TXNRD2: variants seen among roughly 807,000 people sequenced by gnomAD.
The protein encoded by TXNRD2 is thioredoxin reductase 2, also known as thioredoxin reductase 2, mitochondrial.
A neutral mutation model predicts 70.8 loss-of-function variants in TXNRD2; 67 were observed. The ratio of observed to expected loss-of-function variants is 0.95; its 90% CI spans 0.78 to 1.16. The LOEUF (loss-of-function observed/expected upper bound fraction) is 1.16, where lower values mean the gene tolerates loss of function less well. Ranked by LOEUF, TXNRD2 falls within the 50% of genes most tolerant of loss-of-function variation. The pLI is 0.00. For synonymous variants in TXNRD2, 301 were observed against 295.8 expected, an observed-to-expected ratio of 1.02 and a Z score of -0.18; for missense variants, 644 against 719.9, an observed-to-expected ratio of 0.89 and a Z score of 1.21.
intron 2 of TXNRD2, among the ~76,000 whole-genome samples, chr22:19,922,432 G>A (rs755393992): frequency 2.0e-5 from 3 of 152,138 alleles, no homozygotes; most frequent in Admixed American, 6.6e-5. Context: ...CTGGCCCAGA[G>A]CTTGGACCAC....
intron 2 of TXNRD2, among the ~76,000 whole-genome samples, chr22:19,926,799 AC>A (rs1411117603): frequency 1.3e-5 from 2 of 152,120 alleles, no homozygotes; most frequent in African/African-American, 4.8e-5. Flanking sequence ...CAACCAACCA[AC>A]CAAAAAACAG....
chr22:19,924,977 T>C (rs1441435181), intron 2 of TXNRD2, among the ~76,000 whole-genome samples: 1 of 133,286 alleles, frequency 7.5e-6, no homozygotes, highest in Non-Finnish European at 1.6e-5. Flanking sequence ...ATTTTTAAAG[T>C]ACTGAAAAAA....
chr22:19,938,310 C>A (rs1941598172), intron 1 of TXNRD2: 1 of 152,180 alleles, frequency 6.6e-6, no homozygotes, highest in Non-Finnish European at 1.5e-5. Flanking sequence ...GCCAGTGAGT[C>A]AATTGCTCAA....
intron 1 of TXNRD2, among the ~76,000 whole-genome samples, chr22:19,934,566 C>CTTTT (rs199827549): frequency 7.0e-6 from 1 of 141,892 alleles, no homozygotes; most frequent in Non-Finnish European, 1.5e-5. Context: ...ATACTTTTTT[C>CTTTT]TTTTTTTTTT....
intron 8 of TXNRD2, among the ~76,000 whole-genome samples, chr22:19,909,929 AC>A (rs2146020557): frequency 9.6e-6 from 1 of 104,358 alleles, no homozygotes; most frequent in East Asian, 3.8e-4. Flanking sequence ...TCACACACAC[AC>A]ACCACTCACA....
chr22:19,934,559 C>T (rs1941480290), intron 1 of TXNRD2, among the ~76,000 whole-genome samples: 1 of 140,274 alleles, frequency 7.1e-6, no homozygotes. Flanking sequence ...TACTTTTATA[C>T]TTTTTTCTTT....
chr22:19,895,158 G>T, intron 11 of TXNRD2: 1 of 1,598,406 alleles, frequency 6.3e-7, no homozygotes, highest in Non-Finnish European at 8.5e-7. Flanking sequence ...GTTTTTTCCA[G>T]CATGTCCCAC....
intron 1 of TXNRD2, 188 bp downstream of exon 1, chr22:19,941,513 G>T: frequency 9.6e-7 from 1 of 1,043,342 alleles, no homozygotes; most frequent in Non-Finnish European, 1.3e-6. Flanking sequence ...CCCCACCTGG[G>T]AAGGGGGCTA....
rs1938558486 is a variant in TXNRD2, at chr22:19,877,379, C to A, written c.1446-145G>T. 38 of 733,750 alleles carry A rather than the reference C, an allele frequency of 5.2e-5. 1 individual carries two copies. In the South Asian group the frequency reaches 6.6e-4, roughly 13 times the overall value. 45.5% of individuals were successfully genotyped at this position (733,750 alleles called of 1,614,324 possible). ...CCCAGCCAGCAGCCAGGACCCCTGC[C>A]CACACCCGTGGGTGCCATCCACCTC... On this transcript the variant is annotated intron_variant, in intron 16 of 17. Coordinates refer to ENST00000400521, the MANE Select transcript of TXNRD2 (RefSeq NM_006440.5).
chr22:19,931,035 T>C lies in TXNRD2; in HGVS notation c.167A>G (p.Lys56Arg). The C allele has an allele frequency of 6.2e-7, 1 of 1,613,674 alleles. No individual in the cohort carries two copies. Among genetic ancestry groups the C allele is most frequent in the African/African-American group, 1.3e-5 (1 of 75,022 alleles). Residue 56 changes from lysine to arginine, a missense_variant, in exon 2 of 18, where the codon AAG becomes AGG. Lys to Arg is a conservative substitution (Grantham distance 26). Around this residue, in one of 3 missense-constraint regions of TXNRD2, gnomAD observed 566 missense variants for 645.0 expected, o/e 0.88. Transcript: ENST00000400521. ...GGGSGGLACA[K>R]EAAQLGRKVA... ...GAAGTATACAGAATACATACCCTCC[T>C]TGGCACAAGCCAGGCCACCAGATCC...
intron 14 of TXNRD2, among the ~76,000 whole-genome samples, chr22:19,879,191 C>G (rs1041713196): frequency 2.0e-5 from 3 of 152,226 alleles, no homozygotes; most frequent in African/African-American, 7.2e-5. Context: ...GGAAGGCTGG[C>G]CTGTCAGGCC....
At chr22:19,903,600 G>A (rs1939875719) in intron 8 of TXNRD2, among the ~76,000 whole-genome samples, 1 of 152,234 alleles carries the variant, frequency 6.6e-6, no homozygotes, top group South Asian at 2.1e-4. Context: ...GGAAGTGGCA[G>A]GAAGATTGTG....
At position 19,879,799 on chromosome 22, in the gene TXNRD2, G is replaced by T. The variant is rs534900315; in HGVS notation, c.1275+380C>A. 3.3e-5 allele frequency among the ~76,000 whole-genome samples: 5 copies of T among 152,248 alleles called. No individual in the cohort carries two copies. The East Asian group carries it at 9.7e-4, about 29-fold the overall frequency. On this transcript the variant is annotated intron_variant, in intron 14 of 17. Transcript: ENST00000400521. ...CAGTGCTCAGCTGACCTCAGCAGGG[G>T]AGCGGGTGGCACCGTGGTGGTGACC... is the stretch of plus-strand genomic sequence containing the variant.
chr22:19,924,502 C>G (rs1476010673), intron 2 of TXNRD2, among the ~76,000 whole-genome samples: 4 of 152,168 alleles, frequency 2.6e-5, no homozygotes, highest in African/African-American at 9.7e-5. Flanking sequence ...TGAGCTTCCC[C>G]TCTGTCCCTT....
intron 8 of TXNRD2, among the ~76,000 whole-genome samples, chr22:19,903,178 G>A (rs1939854613): frequency 6.6e-6 from 1 of 152,364 alleles, no homozygotes; most frequent in East Asian, 1.9e-4. Flanking sequence ...GCAGCTGCAG[G>A]AGAGGCTGGC....
rs2145931741 is a variant in TXNRD2, at chr22:19,880,178, C to T, written c.1275+1G>A. 1 of 1,613,032 alleles carries T rather than the reference C, an allele frequency of 6.2e-7. No homozygotes were observed. Among genetic ancestry groups the T allele is most frequent in the African/African-American group, 1.3e-5 (1 of 75,072 alleles). On this transcript the variant is annotated splice_donor_variant, in intron 14 of 17. Coordinates refer to ENST00000400521, the MANE Select transcript of TXNRD2 (RefSeq NM_006440.5). LOFTEE classifies it high-confidence loss of function. The stretch of plus-strand genomic sequence containing the variant: ...TCAGCTGTGCTGCTCCCAGGCCTCA[C>T]CTCAACATGCTCCTGCCCGTGGCGA...
chr22:19,915,956 G>A, intron 5 of TXNRD2, 113 bp from the exon 6 acceptor site: 1 of 967,776 alleles, frequency 1.0e-6, no homozygotes, highest in Non-Finnish European at 1.6e-6. Flanking sequence ...AGGGCCTGGT[G>A]CTGTGGCTCA....
intron 1 of TXNRD2, 138 bp from the exon 2 acceptor site, chr22:19,931,236 A>T: frequency 3.8e-6 from 3 of 785,172 alleles, no homozygotes; most frequent in Non-Finnish European, 6.5e-6. Flanking sequence ...AGAAAGAGTG[A>T]CTCGATACAC....
chr22:19,904,937 C>G (rs1247034774), intron 8 of TXNRD2, among the ~76,000 whole-genome samples: 2 of 152,196 alleles, frequency 1.3e-5, no homozygotes. Flanking sequence ...TTAAAATAAA[C>G]ATGGGGAATA....
Sources: allele counts gnomAD v4.1 joint callset (sites outside exome capture counted in the v4.1 genomes callset), GRCh38; gene constraint gnomAD v4.1.1; regional missense constraint gnomAD v4.1.1; transcripts MANE v1.5; gene names NCBI Gene and HGNC (gene_info 2026-07-23, HGNC 2026-07-21).